Variants in ERC2 observed in about 807,000 individuals in gnomAD.
The protein encoded by ERC2 is ERC protein 2.
In ERC2, 42 loss-of-function variants were observed where a neutral mutation model predicts 114.8. The observed-to-expected ratio is 0.37, with a 90% CI of 0.29 to 0.47. ERC2 has a LOEUF of 0.47. Ranked by LOEUF, ERC2 falls within the 20% of genes least tolerant of loss-of-function variation. The probability of loss-of-function intolerance (pLI) is 0.99; values close to 1 mark genes in which losing one functional copy is unlikely to be tolerated. For synonymous variants in ERC2, 454 were observed against 425.5 expected, an observed-to-expected ratio of 1.07 and a Z score of -0.82; for missense variants, 939 against 1,150.7, an observed-to-expected ratio of 0.82 and a Z score of 2.66.
chr3:55,896,588 T>C (rs921842063), intron 13 of ERC2, among the ~76,000 whole-genome samples: 7 of 152,218 alleles, frequency 4.6e-5, no homozygotes, highest in African/African-American at 1.7e-4. Context: ...AGAAAAGGTG[T>C]TTAATTGCTA....
intron 2 of ERC2, among the ~76,000 whole-genome samples, chr3:56,408,717 A>G (rs1641549390): frequency 6.6e-6 from 1 of 152,230 alleles, no homozygotes; most frequent in African/African-American, 2.4e-5. Flanking sequence ...AAAGAACTAA[A>G]CGAGGTGGTA....
chr3:55,614,115 A>T (rs1398380405), intron 17 of ERC2, among the ~76,000 whole-genome samples: 1 of 152,136 alleles, frequency 6.6e-6, no homozygotes, highest in East Asian at 1.9e-4. Flanking sequence ...TGAACAGATC[A>T]GCCTGACTCT....
intron 1 of ERC2, among the ~76,000 whole-genome samples, chr3:56,465,101 A>G (rs1352687435): frequency 1.3e-5 from 2 of 152,212 alleles, no homozygotes; most frequent in African/African-American, 4.8e-5. Context: ...CTTTTCCAAC[A>G]TAACAAAACA....
Position 56,279,019 on chromosome 3 carries a change from TG to T in ERC2, c.1074+16999del, listed in dbSNP as rs1319322330. 2.0e-5 allele frequency among the ~76,000 whole-genome samples: 3 copies of T among 152,354 alleles called. No individual in the cohort carries two copies. The East Asian group carries it at 5.8e-4, about 29-fold the overall frequency. On this transcript the variant is annotated intron_variant, in intron 3 of 17. Transcript: ENST00000288221. The stretch of plus-strand genomic sequence containing the variant: ...ATACCAGGCAGAAATGGTAATTTCC[TG>T]GTTCTAATACTTGTACTCAAGTTAT...
At chr3:55,742,230 G>A (rs1392787137) in intron 14 of ERC2, among the ~76,000 whole-genome samples, 2 of 152,100 alleles carry the variant, frequency 1.3e-5, no homozygotes, top group Non-Finnish European at 2.9e-5. Flanking sequence ...ATCCTCTGAT[G>A]GTAATACATG....
intron 17 of ERC2, among the ~76,000 whole-genome samples, chr3:55,549,420 G>A (rs368405294): frequency 6.7e-6 from 1 of 150,240 alleles, no homozygotes; most frequent in Non-Finnish European, 1.5e-5. Context: ...GCAGCTCTCC[G>A]AACACAAAAT....
chr3:55,789,373 C>T (rs1267557953), intron 14 of ERC2, among the ~76,000 whole-genome samples: 7 of 152,224 alleles, frequency 4.6e-5, no homozygotes, highest in Admixed American at 1.3e-4. Flanking sequence ...CACCATCAGC[C>T]TTGTTTAAGC....
chr3:55,799,147 C>G (rs936688822), intron 14 of ERC2, among the ~76,000 whole-genome samples: 11 of 151,884 alleles, frequency 7.2e-5, no homozygotes, highest in Non-Finnish European at 1.2e-4. Context: ...CTCACCAAAG[C>G]TGATCCAGCA....
intron 17 of ERC2, among the ~76,000 whole-genome samples, chr3:55,609,055 T>C (rs534742427): frequency 1.1e-4 from 16 of 152,314 alleles, no homozygotes; most frequent in Admixed American, 4.6e-4. Context: ...ATTACTTCCA[T>C]GTTGCAGACA....
At chr3:56,104,633 AT>A (rs11332087) in intron 6 of ERC2, among the ~76,000 whole-genome samples, 113,628 of 148,616 alleles carry the variant, frequency 0.76, 43,805 homozygotes, top group South Asian at 0.85. Flanking sequence ...TAGATCCTGT[AT>A]TTTTTTTTTT....
At chr3:56,179,058 TAAAAAAAA>T (rs34820943) in intron 3 of ERC2, among the ~76,000 whole-genome samples, 1 of 132,488 alleles carries the variant, frequency 7.5e-6, no homozygotes, top group Non-Finnish European at 1.6e-5. Flanking sequence ...GTTGATGAGC[TAAAAAAAA>T]AAAAAAAGTC....
At chr3:56,342,364 T>C (rs767096952) in intron 2 of ERC2, among the ~76,000 whole-genome samples, 4 of 152,254 alleles carry the variant, frequency 2.6e-5, no homozygotes, top group Non-Finnish European at 5.9e-5. Flanking sequence ...GTAATTTCAG[T>C]GTTAGATTCC....
intron 13 of ERC2, among the ~76,000 whole-genome samples, chr3:55,907,160 C>T (rs1326821379): frequency 1.3e-5 from 2 of 152,202 alleles, no homozygotes; most frequent in East Asian, 1.9e-4. Context: ...TGGGAGAAAA[C>T]ATGCAAGAGG....
chr3:56,229,581 G>A (rs896774383), intron 3 of ERC2, among the ~76,000 whole-genome samples: 4 of 152,126 alleles, frequency 2.6e-5, no homozygotes, highest in African/African-American at 9.7e-5. Flanking sequence ...AATCATTCAA[G>A]AAGAAAAACA....
intron 7 of ERC2, among the ~76,000 whole-genome samples, chr3:56,036,178 G>A (rs544775613): frequency 2.0e-5 from 3 of 152,172 alleles, no homozygotes; most frequent in South Asian, 2.1e-4. Context: ...AAAGACTCTC[G>A]ACAAATTGGG....
intron 8 of ERC2, among the ~76,000 whole-genome samples, chr3:56,018,251 G>A (rs1358168804): frequency 2.0e-5 from 3 of 152,280 alleles, no homozygotes; most frequent in African/African-American, 7.2e-5. Flanking sequence ...GAGAGGTTAA[G>A]TAATTTGTCC....
intron 6 of ERC2, among the ~76,000 whole-genome samples, chr3:56,084,301 A>G (rs2077391470): frequency 6.6e-6 from 1 of 152,268 alleles, no homozygotes; most frequent in South Asian, 2.1e-4. Flanking sequence ...GGAAAACAAC[A>G]TGGAGATTTC....
chr3:55,580,373 T>C (rs1360758125), intron 17 of ERC2, among the ~76,000 whole-genome samples: 1 of 151,956 alleles, frequency 6.6e-6, no homozygotes, highest in Non-Finnish European at 1.5e-5. Context: ...GCCACAAAAA[T>C]ACAAATGTCT....
intron 17 of ERC2, among the ~76,000 whole-genome samples, chr3:55,679,902 C>T (rs950111645): frequency 9.9e-5 from 15 of 152,122 alleles, no homozygotes; most frequent in Non-Finnish European, 1.8e-4. Context: ...AGACCCTGTC[C>T]GCTAAAAGAA....
Sources: gnomAD v4.1 joint callset for allele counts (sites outside exome capture counted in the v4.1 genomes callset) on GRCh38, gnomAD v4.1.1 for gene constraint, MANE v1.5 for transcripts, NCBI Gene and HGNC (gene_info 2026-07-23, HGNC 2026-07-21) for gene names.